Variants in MEST observed in about 807,000 individuals in gnomAD.
MEST encodes the protein mesoderm-specific transcript homolog protein.
Under a neutral mutation model 50.9 loss-of-function variants are expected in MEST, and 18 were observed. The observed-to-expected ratio is 0.35, with a 90% CI of 0.24 to 0.52. MEST has a LOEUF of 0.52. Among genes scored for constraint, MEST ranks in the 20% least tolerant of loss-of-function variants. The probability of loss-of-function intolerance (pLI) is 0.94; values close to 1 mark genes in which losing one functional copy is unlikely to be tolerated. For missense variants in MEST, 282 were observed against 425.3 expected (o/e 0.66, Z 2.96); for synonymous variants, 130 against 154.1 (o/e 0.84, Z 1.16).
At position 130,505,940 on chromosome 7, in the gene MEST, G is replaced by A. The variant is rs2116316111; in HGVS notation, c.*884G>A. On this transcript the variant is annotated 3_prime_UTR_variant, in exon 12 of 12. Coordinates refer to ENST00000223215, the MANE Select transcript of MEST (RefSeq NM_002402.4). Reference sequence around the variant, plus strand: ...GTCTCTCTTGAGCTACAGTAGAGGGGAAGGGATTGTTGTGTAGTCAAGTCA... The same window carrying A: ...GTCTCTCTTGAGCTACAGTAGAGGGAAAGGGATTGTTGTGTAGTCAAGTCA... 6.6e-6 allele frequency: 1 copy of A among 152,540 alleles called. No homozygotes were observed. The highest frequency in any genetic ancestry group is 6.5e-5 in the Admixed American group (1 of 15,312). The allele number at this position is 152,540 out of a possible 1,614,324, so 9.4% of individuals were successfully genotyped here.
chr7:130,492,360 A>AG lies in MEST; in HGVS notation c.26+26dup. ...CGCAGGTGAGTGTGCGGTGGGAACG[A>AG]GGGGGTGTGGCTGGCGGCCCTGGGA... On this transcript the variant is annotated intron_variant, in intron 1 of 11. Transcript: ENST00000223215. The surrounding 1 kb of genome is among the most constrained non-coding windows in gnomAD (Gnocchi z 7.6). 1 of 1,306,428 alleles carries AG rather than the reference A, an allele frequency of 7.7e-7. No homozygotes were observed. Among genetic ancestry groups the AG allele is most frequent in the South Asian group, 2.7e-5 (1 of 37,580 alleles). The allele number at this position is 1,306,428 out of a possible 1,614,324, so 80.9% of individuals were successfully genotyped here.
intron 1 of MEST, among the ~76,000 whole-genome samples, chr7:130,494,123 CTTG>C (rs1315896857): frequency 6.6e-6 from 1 of 152,040 alleles, no homozygotes; most frequent in Non-Finnish European, 1.5e-5. Flanking sequence ...AAACCACAGG[CTTG>C]TTTTTAGATT....
At position 130,495,362 on chromosome 7, in the gene MEST, C is replaced by T; in HGVS notation, c.27-6C>T. On this transcript the variant is annotated splice_polypyrimidine_tract_variant and splice_region_variant and intron_variant, in intron 1 of 11. Coordinates refer to ENST00000223215, the MANE Select transcript of MEST (RefSeq NM_002402.4). ...TGCTTACAGTGGGTCTCTGCTTTTC[C>T]TACAGGATGAGGGAGTGGTGGGTCC... The T allele has an allele frequency of 1.2e-6, 2 of 1,600,132 alleles. No individual in the cohort carries two copies. Among genetic ancestry groups the T allele is most frequent in the Non-Finnish European group, 1.7e-6 (2 of 1,172,648 alleles).
intron 1 of MEST, chr7:130,493,179 T>C (rs1240757502): frequency 6.6e-6 from 1 of 152,236 alleles, no homozygotes; most frequent in Non-Finnish European, 1.5e-5. Flanking sequence ...AACGGCGATG[T>C]GACCAAACTG....
upstream of MEST, chr7:130,491,627 G>C (rs1371604485): frequency 6.6e-6 from 1 of 152,388 alleles, no homozygotes; most frequent in Non-Finnish European, 1.5e-5. This position sits in a 1 kb window ranked among gnomAD's most constrained non-coding sequence, Gnocchi z 6.8. Context: ...CGAGGGATGG[G>C]AGCAGGCGCC....
At chr7:130,489,913 G>T (rs1208191088), upstream of MEST, 1 of 152,126 alleles carries the variant, frequency 6.6e-6, no homozygotes, top group Admixed American at 6.5e-5. Flanking sequence ...CTTTTGTGGG[G>T]TACTCAGTCC....
chr7:130,504,012 A>G lies in MEST; in HGVS notation c.890+16A>G. The stretch of plus-strand genomic sequence containing the variant: ...AGCTGTACAGGTGAGTCTCCCCGAG[A>G]GAAGTCTATGTTTTGTTAGTATCTC... On this transcript the variant is annotated intron_variant, in intron 11 of 11. Coordinates refer to ENST00000223215, the MANE Select transcript of MEST (RefSeq NM_002402.4). 1 of 1,605,042 alleles carries G rather than the reference A, an allele frequency of 6.2e-7. No individual in the cohort carries two copies. The highest frequency in any genetic ancestry group is 8.5e-7 in the Non-Finnish European group (1 of 1,171,984).
chr7:130,498,774 A>G (rs1054760476), intron 6 of MEST: 2 of 485,546 alleles, frequency 4.1e-6, no homozygotes, highest in Non-Finnish European at 7.4e-6. Context: ...TTAGATAGCA[A>G]GTTCTAGTGG....
In MEST at chr7:130,492,409, C is replaced by T; in HGVS notation, c.26+70C>T. 1 of 1,204,568 alleles carries T rather than the reference C, an allele frequency of 8.3e-7. No homozygotes were observed. The highest frequency in any genetic ancestry group is 1.0e-6 in the Non-Finnish European group (1 of 953,122). 74.6% of individuals were successfully genotyped at this position (1,204,568 alleles called of 1,614,324 possible). A position where few individuals can be genotyped will look rare whatever the true frequency, so the allele number is the denominator to read the frequency against. On this transcript the variant is annotated intron_variant, in intron 1 of 11. Transcript: ENST00000223215. This position sits in a 1 kb window ranked among gnomAD's most constrained non-coding sequence, Gnocchi z 7.6. ...GACTAGGGCGCAGGCGAGCGGAGGA[C>T]TGTGTGCCCGTGTCCGAGCTGGGGC...
At chr7:130,495,869 TTTCA>T (rs1799036822) in intron 2 of MEST, 1 of 289,836 alleles carries the variant, frequency 3.5e-6, no homozygotes, top group African/African-American at 2.3e-5. Context: ...CCATCCCTGA[TTTCA>T]TTTTTTCTGT....
intron 10 of MEST, 123 bp from the exon 11 acceptor site, chr7:130,503,810 C>T: frequency 2.8e-6 from 2 of 716,156 alleles, no homozygotes; most frequent in Middle Eastern, 4.2e-4. Context: ...AGAGAGAGAC[C>T]TTGCCTATTA....
chr7:130,496,074 A>G (rs1554436880), intron 2 of MEST: 1 of 470,198 alleles, frequency 2.1e-6, no homozygotes. Flanking sequence ...ACCTCATTTT[A>G]TAGGTGAAGA....
At chr7:130,491,933 G>GCACC (rs1798829394), upstream of MEST, 2 of 158,014 alleles carry the variant, frequency 1.3e-5, 1 homozygote, top group South Asian at 4.1e-4. This position sits in a 1 kb window ranked among gnomAD's most constrained non-coding sequence, Gnocchi z 6.8. Flanking sequence ...TGTTAGAGGG[G>GCACC]CACCCCATCT....
chr7:130,499,838 G>A (rs782034894), intron 6 of MEST, 37 bp from the exon 7 acceptor site: 2 of 1,556,700 alleles, frequency 1.3e-6, no homozygotes, highest in Non-Finnish European at 1.7e-6. Context: ...AAAAATTAAA[G>A]CTGTAGGTAA....
intron 10 of MEST, 118 bp from the exon 11 acceptor site, chr7:130,503,815 C>T: frequency 1.3e-6 from 1 of 745,374 alleles, no homozygotes; most frequent in Non-Finnish European, 2.3e-6. Context: ...GAGACCTTGC[C>T]TATTATAATA....
At chr7:130,504,256 A>G (rs113293389) in intron 11 of MEST, among the ~76,000 whole-genome samples, 2,328 of 152,354 alleles carry the variant, frequency 0.015, 42 homozygotes, top group African/African-American at 0.046. Flanking sequence ...TTGGTGTACA[A>G]AAAGCTCTCA....
chr7:130,500,176 C>T lies in MEST; in HGVS notation c.576+261C>T, dbSNP rs923478345. 1 of 553,004 alleles carries T rather than the reference C, an allele frequency of 1.8e-6. No individual in the cohort carries two copies. 34.3% of individuals were successfully genotyped at this position (553,004 alleles called of 1,614,324 possible). ...TACAGCTATGGAAAGATCTGTGTCACAAGCTTGATGTTTGAACAAATTAGG... is the reference window on the plus strand; with the variant it reads ...TACAGCTATGGAAAGATCTGTGTCATAAGCTTGATGTTTGAACAAATTAGG... On this transcript the variant is annotated intron_variant, in intron 7 of 11. Transcript: ENST00000223215. The surrounding 1 kb of genome is among the most constrained non-coding windows in gnomAD (Gnocchi z 5.0).
At chr7:130,499,937 C>T (rs1363758142) in intron 7 of MEST, 22 bp downstream of exon 7, 1 of 1,603,934 alleles carries the variant, frequency 6.2e-7, no homozygotes, top group Non-Finnish European at 8.5e-7. Context: ...ACTGATAGAC[C>T]TTTAGTTTTA....
chr7:130,496,604 A>G (rs1438656924), intron 2 of MEST: 1 of 171,320 alleles, frequency 5.8e-6, no homozygotes, highest in African/African-American at 2.4e-5. Context: ...ATGTTGATTA[A>G]GCCCTTTTTA....
Sources: gnomAD v4.1 joint callset for allele counts (sites outside exome capture counted in the v4.1 genomes callset) on GRCh38, gnomAD v4.1.1 for gene constraint, Gnocchi (gnomAD v3.1) non-coding constraint, MANE v1.5 for transcripts, NCBI Gene and HGNC (gene_info 2026-07-23, HGNC 2026-07-21) for gene names.